The following ADAMTSL3 variants were observed in gnomAD, a reference collection of about 807,000 sequenced individuals.
The protein encoded by ADAMTSL3 is ADAMTS-like protein 3.
ADAMTSL3 carries 128 observed loss-of-function variants against 201.7 expected under a neutral mutation model. That is an observed-to-expected ratio of 0.63 (90% confidence interval 0.55 to 0.73). The LOEUF is 0.73. ADAMTSL3 is among the 30% of genes least tolerant of loss of function. The probability of loss-of-function intolerance (pLI) is 0.00; values close to 1 mark genes in which losing one functional copy is unlikely to be tolerated. For missense variants in ADAMTSL3, 1,990 were observed against 2,119.6 expected, an observed-to-expected ratio of 0.94 and a Z score of 1.20; for synonymous variants, 738 against 748.4, an observed-to-expected ratio of 0.99 and a Z score of 0.23.
Position 83,773,390 on chromosome 15 carries a change from T to G in ADAMTSL3, c.190-133T>G, listed in dbSNP as rs1028962759. 6 of 991,706 alleles carry G rather than the reference T, an allele frequency of 6.1e-6. No individual in the cohort carries two copies. The African/African-American group carries it at 9.9e-5, about 16-fold the overall frequency. The allele number at this position is 991,706 out of a possible 1,614,324, so 61.4% of individuals were successfully genotyped here. A position where few individuals can be genotyped will look rare whatever the true frequency, so the allele number is the denominator to read the frequency against. ...GCCATTGCACTCCTGGGCAATAAGA[T>G]CGAAGCTCTGTCTCAATTAAAAAAA... On this transcript the variant is annotated intron_variant, in intron 3 of 29. Transcript: ENST00000286744.
chr15:83,842,807 AG>A (rs1400091444), intron 7 of ADAMTSL3, among the ~76,000 whole-genome samples: 2 of 152,180 alleles, frequency 1.3e-5, no homozygotes, highest in Non-Finnish European at 2.9e-5. Context: ...GAGGGGAGTA[AG>A]GGAGAAAGAC....
intron 3 of ADAMTSL3, among the ~76,000 whole-genome samples, chr15:83,723,022 G>A (rs965509193): frequency 2.6e-5 from 4 of 151,968 alleles, no homozygotes; most frequent in East Asian, 1.9e-4. Context: ...AATACTTGTC[G>A]AAAAACATTC....
At chr15:84,034,302 A>AC (rs1216482468) in intron 28 of ADAMTSL3, among the ~76,000 whole-genome samples, 4 of 151,860 alleles carry the variant, frequency 2.6e-5, no homozygotes, top group Non-Finnish European at 2.9e-5. Context: ...AGCAATGGAG[A>AC]CCCCCCATTT....
At chr15:83,720,594 T>A (rs947974667) in intron 3 of ADAMTSL3, among the ~76,000 whole-genome samples, 1 of 152,146 alleles carries the variant, frequency 6.6e-6, no homozygotes, top group African/African-American at 2.4e-5. Flanking sequence ...GACAAAAGGT[T>A]TTTAGAATTT....
At chr15:83,892,625 T>G in intron 12 of ADAMTSL3, 59 bp from the exon 13 acceptor site, 3 of 1,532,462 alleles carry the variant, frequency 2.0e-6, no homozygotes, top group Non-Finnish European at 2.6e-6. Context: ...TGCCACCATC[T>G]TTGCAAACTT....
intron 5 of ADAMTSL3, among the ~76,000 whole-genome samples, chr15:83,814,513 C>T (rs1451087103): frequency 1.3e-5 from 2 of 152,274 alleles, no homozygotes; most frequent in East Asian, 1.9e-4. Context: ...TTTGTTACGT[C>T]GTTTCCCGAA....
intron 23 of ADAMTSL3, among the ~76,000 whole-genome samples, chr15:84,005,142 A>G (rs765561128): frequency 2.0e-5 from 3 of 152,212 alleles, no homozygotes; most frequent in Non-Finnish European, 4.4e-5. Flanking sequence ...TGGGGAATCA[A>G]CACGGCCTTG....
chr15:83,680,765 A>G (rs1384587648), intron 2 of ADAMTSL3, among the ~76,000 whole-genome samples: 1 of 151,820 alleles, frequency 6.6e-6, no homozygotes, highest in Non-Finnish European at 1.5e-5. Flanking sequence ...GCTTTAAGAC[A>G]TTATTTCCTT....
At chr15:83,823,030 C>CA (rs1453994501) in intron 6 of ADAMTSL3, among the ~76,000 whole-genome samples, 2 of 151,706 alleles carry the variant, frequency 1.3e-5, no homozygotes, top group South Asian at 2.1e-4. Context: ...CCGTCTCCAC[C>CA]AAAAAAATAC....
intron 15 of ADAMTSL3, among the ~76,000 whole-genome samples, chr15:83,906,352 T>A (rs1490167015): frequency 6.6e-6 from 1 of 152,150 alleles, no homozygotes; most frequent in African/African-American, 2.4e-5. Flanking sequence ...CTTTCTAATT[T>A]TGAGTCTTCC....
intron 9 of ADAMTSL3, among the ~76,000 whole-genome samples, chr15:83,880,692 T>C (rs1416620435): frequency 6.6e-6 from 1 of 152,198 alleles, no homozygotes; most frequent in East Asian, 1.9e-4. Flanking sequence ...TTTAATCTTG[T>C]TCCAAGTTCT....
In ADAMTSL3 at chr15:83,908,717, T is replaced by G. The variant is rs185400297; in HGVS notation, c.1701-4375T>G. 3.8e-4 allele frequency among the ~76,000 whole-genome samples: 58 copies of G among 152,342 alleles called. 2 individuals carry two copies. The East Asian group carries it at 4.8e-3, about 13-fold the overall frequency. On this transcript the variant is annotated intron_variant, in intron 15 of 29. Coordinates refer to ENST00000286744, the MANE Select transcript of ADAMTSL3 (RefSeq NM_207517.3). ...AATTCTTTCTTCATGCTCAAAGTTT[T>G]GTTAGCCAGGTGTATTCATTTTCCA...
chr15:84,010,944 G>C (rs1451463614), intron 23 of ADAMTSL3, among the ~76,000 whole-genome samples: 1 of 152,154 alleles, frequency 6.6e-6, no homozygotes. Flanking sequence ...CTGTGCTCCA[G>C]TGGCATCCAG....
rs377633349 is a variant in ADAMTSL3, at chr15:83,924,023, T to G, written c.2107T>G (p.Cys703Gly). 53 of 1,613,976 alleles carry G rather than the reference T, an allele frequency of 3.3e-5. 1 individual carries two copies. Among genetic ancestry groups the G allele is most frequent in the Admixed American group, 6.7e-5 (4 of 59,982 alleles). Residue 703 changes from cysteine to glycine, a missense_variant, in exon 17 of 30, where the codon TGT becomes GGT. Cys to Gly is a radical substitution (Grantham distance 159, BLOSUM62 -3). Coordinates refer to ENST00000286744, the MANE Select transcript of ADAMTSL3 (RefSeq NM_207517.3). Reference sequence around the variant, plus strand: ...GAGCCAGGCCTGTAACACAGAGCCCTGTCCCCCCAGGTATGTGCTGTCTTG... The same window carrying G: ...GAGCCAGGCCTGTAACACAGAGCCCGGTCCCCCCAGGTATGTGCTGTCTTG... ...AMSQACNTEP[C>G]PPRWHVGSWG... is the part of the protein sequence containing the mutation.
intron 2 of ADAMTSL3, among the ~76,000 whole-genome samples, chr15:83,699,990 A>G (rs983234385): frequency 2.6e-5 from 4 of 152,210 alleles, no homozygotes; most frequent in South Asian, 2.1e-4. Flanking sequence ...TTATTTTACT[A>G]TGTATCTCCA....
At chr15:83,890,030 A>AG in intron 10 of ADAMTSL3, 79 bp from the exon 11 acceptor site, 1 of 1,474,066 alleles carries the variant, frequency 6.8e-7, no homozygotes. Flanking sequence ...GAAAAAAAAA[A>AG]GTGTGTGGCA....
intron 17 of ADAMTSL3, among the ~76,000 whole-genome samples, chr15:83,932,860 C>T (rs2066388014): frequency 6.6e-6 from 1 of 152,114 alleles, no homozygotes; most frequent in Admixed American, 6.5e-5. Flanking sequence ...GGGGAAAAAA[C>T]AGAATCAGAT....
At chr15:83,979,294 G>T (rs1305724248) in intron 20 of ADAMTSL3, among the ~76,000 whole-genome samples, 1 of 152,200 alleles carries the variant, frequency 6.6e-6, no homozygotes, top group Non-Finnish European at 1.5e-5. Flanking sequence ...TGCTTGCAAA[G>T]AAGTGAGTTA....
intron 4 of ADAMTSL3, among the ~76,000 whole-genome samples, chr15:83,783,771 C>T (rs984458105): frequency 2.0e-5 from 3 of 150,292 alleles, no homozygotes; most frequent in Admixed American, 6.7e-5. Flanking sequence ...AAAAGTGGTG[C>T]AAGCTGCCAT....
Sources: allele counts gnomAD v4.1 joint callset (sites outside exome capture counted in the v4.1 genomes callset), GRCh38; gene constraint gnomAD v4.1.1; transcripts MANE v1.5; gene names NCBI Gene and HGNC (gene_info 2026-07-23, HGNC 2026-07-21).